KDM7A: variants seen among roughly 807,000 people sequenced by gnomAD.
KDM7A encodes lysine demethylase 7A.
In KDM7A, 28 loss-of-function variants were observed where a neutral mutation model predicts 114.8. The ratio of observed to expected loss-of-function variants is 0.24; its 90% CI spans 0.18 to 0.33. KDM7A has a LOEUF of 0.33. KDM7A is among the 10% of genes least tolerant of loss of function. The pLI is 1.00. For missense variants in KDM7A, 942 were observed against 1,142.5 expected (o/e 0.82, Z 2.53); for synonymous variants, 423 against 397.8 (o/e 1.06, Z -0.75).
rs774485099 is a variant in KDM7A at position 140,176,747 on chromosome 7, C to T, written c.191G>A (p.Gly64Asp). The T allele has an allele frequency of 7.4e-7, 1 of 1,357,266 alleles. No individual in the cohort carries two copies. The highest frequency in any genetic ancestry group is 9.7e-7 in the Non-Finnish European group (1 of 1,028,240). The allele number at this position is 1,357,266 out of a possible 1,614,324, so 84.1% of individuals were successfully genotyped here. Residue 64 changes from glycine (G) to aspartate (D), a missense_variant, in exon 1 of 20, where the codon GGC (glycine) becomes GAC (aspartate). By Grantham distance (94) the Gly-to-Asp change is moderately conservative. Coordinates refer to ENST00000397560, the MANE Select transcript of KDM7A (RefSeq NM_030647.2). This position sits in a 1 kb window ranked among gnomAD's most constrained non-coding sequence, Gnocchi z 4.4. ...GGGCTGGAGGGGGTTTATTTACCTG[C>T]CGTGGAACCAGTCCTTGCAGATATC... Reference protein sequence around the residue: ...ECDICKDWFHGSCVGVEEHHA... With the variant: ...ECDICKDWFHDSCVGVEEHHA...
At chr7:140,108,334 G>A (rs377430517) in intron 11 of KDM7A, among the ~76,000 whole-genome samples, 6 of 152,176 alleles carry the variant, frequency 3.9e-5, no homozygotes, top group Non-Finnish European at 7.3e-5. Flanking sequence ...GAGAAGCTGC[G>A]TTCCTCTGGA....
intron 2 of KDM7A, 55 bp from the exon 3 acceptor site, chr7:140,133,711 G>T: frequency 1.1e-6 from 1 of 926,098 alleles, no homozygotes; most frequent in Non-Finnish European, 1.7e-6. Context: ...GATACTATGT[G>T]ATTTCTAATC....
chr7:140,117,303 C>A (rs139565484), intron 9 of KDM7A, among the ~76,000 whole-genome samples: 3 of 152,276 alleles, frequency 2.0e-5, no homozygotes, highest in African/African-American at 7.2e-5. Flanking sequence ...AACACAAAGA[C>A]TAAATAGTTC....
chr7:140,131,100 C>G (rs1187085964), intron 3 of KDM7A, among the ~76,000 whole-genome samples: 1 of 152,066 alleles, frequency 6.6e-6, no homozygotes, highest in Non-Finnish European at 1.5e-5. Flanking sequence ...ATCTCCCGAG[C>G]TCATGATCCA....
Position 140,174,825 on chromosome 7 carries a change from C to G in KDM7A, c.194+1919G>C, listed in dbSNP as rs986120951. Among the ~76,000 whole-genome samples the G allele has an allele frequency of 2.0e-5, 3 of 152,036 alleles. No individual in the cohort carries two copies. In the East Asian group the frequency reaches 5.8e-4, roughly 29 times the overall value. On this transcript the variant is annotated intron_variant, in intron 1 of 19. Transcript: ENST00000397560. ...CATGTTGGGGTTTCACCATGTTAGC[C>G]AGGATGGTCTCGATCTCTTTACCTC...
chr7:140,099,532 T>C (rs915823483), intron 13 of KDM7A, among the ~76,000 whole-genome samples: 2 of 152,144 alleles, frequency 1.3e-5, no homozygotes, highest in African/African-American at 2.4e-5. Flanking sequence ...CCCTGGGCCA[T>C]AGACTGGTAC....
intron 16 of KDM7A, 25 bp downstream of exon 16, chr7:140,096,874 G>T: frequency 6.2e-7 from 1 of 1,608,406 alleles, no homozygotes; most frequent in South Asian, 1.1e-5. Context: ...AATATAATAA[G>T]ACTTACTACT....
intron 7 of KDM7A, among the ~76,000 whole-genome samples, chr7:140,121,364 G>A (rs13236548): frequency 0.34 from 52,371 of 151,960 alleles, 9,274 homozygotes; most frequent in Middle Eastern, 0.43. Context: ...CACAAATCCC[G>A]TTTTCTTTGT....
At chr7:140,098,193 C>T (rs1818146514) in intron 14 of KDM7A, among the ~76,000 whole-genome samples, 1 of 152,166 alleles carries the variant, frequency 6.6e-6, no homozygotes, top group Non-Finnish European at 1.5e-5. Context: ...CTCAGATTAG[C>T]AGGAACTGGG....
At chr7:140,142,586 C>G (rs148254892) in intron 1 of KDM7A, among the ~76,000 whole-genome samples, 2 of 151,996 alleles carry the variant, frequency 1.3e-5, no homozygotes, top group East Asian at 3.8e-4. Context: ...CCCAACAGAC[C>G]AGCTAAAACT....
Position 140,091,788 on chromosome 7 carries a change from C to T in KDM7A, c.2731+16G>A, listed in dbSNP as rs1416646105. The stretch of plus-strand genomic sequence containing the variant: ...CAGTCAGAAATATACTTTCTCTATA[C>T]ATGTGTGAAAGTTACCTTTTGTTGC... On this transcript the variant is annotated intron_variant, in intron 19 of 19. Coordinates refer to ENST00000397560, the MANE Select transcript of KDM7A (RefSeq NM_030647.2). The T allele has an allele frequency of 6.2e-7, 1 of 1,609,216 alleles. No individual in the cohort carries two copies. Among genetic ancestry groups the T allele is most frequent in the Non-Finnish European group, 8.5e-7 (1 of 1,177,758 alleles).
At position 140,096,986 on chromosome 7, in the gene KDM7A, G is replaced by A; in HGVS notation, c.2078C>T (p.Thr693Ile). 2 of 1,612,198 alleles carry A rather than the reference G, an allele frequency of 1.2e-6. No homozygotes were observed. The highest frequency in any genetic ancestry group is 1.7e-6 in the Non-Finnish European group (2 of 1,178,458). ...ATTAGATTCCTCCTTAAAGTTGGAT[G>A]TTATTTCTTGTTTCTTTTCATCACC... ...SSGDEKKQEI[T>I]SNFKEESNVM... Residue 693 changes from threonine (T) to isoleucine (I), a missense_variant, in exon 16 of 20, where the codon ACA becomes ATA. Coordinates refer to ENST00000397560, the MANE Select transcript of KDM7A (RefSeq NM_030647.2).
At chr7:140,097,717 A>G (rs750867327) in intron 14 of KDM7A, 75 bp from the exon 15 acceptor site, 96 of 800,502 alleles carry the variant, frequency 1.2e-4, no homozygotes, top group Non-Finnish European at 1.6e-4. Context: ...GATGGTATCT[A>G]AAGTCCACCC....
intron 19 of KDM7A, 53 bp downstream of exon 19, chr7:140,091,751 G>C: frequency 1.3e-6 from 2 of 1,582,974 alleles, no homozygotes; most frequent in Non-Finnish European, 1.7e-6. Flanking sequence ...CTGCCATGAT[G>C]ACCATCACAT....
At chr7:140,100,750 ATTTT>A (rs1363889968) in intron 12 of KDM7A, among the ~76,000 whole-genome samples, 3 of 100,472 alleles carry the variant, frequency 3.0e-5, no homozygotes, top group Admixed American at 1.1e-4. Context: ...ATACATATAT[ATTTT>A]TTTGTTTGTT....
At position 140,176,851 on chromosome 7, in the gene KDM7A, G is replaced by T; in HGVS notation, c.87C>A (p.Ala29=). The T allele has an allele frequency of 7.7e-7, 1 of 1,299,938 alleles. No individual in the cohort carries two copies. Among genetic ancestry groups the T allele is most frequent in the Non-Finnish European group, 9.9e-7 (1 of 1,008,260 alleles). The allele number at this position is 1,299,938 out of a possible 1,614,324, so 80.5% of individuals were successfully genotyped here. A position where few individuals can be genotyped will look rare whatever the true frequency, so the allele number is the denominator to read the frequency against. ...CGGGCGGGGGCGGCGGAGGCGCCGA[G>T]GCCCGGCCGGGAGCCGCCACCGACA... is the stretch of plus-strand genomic sequence containing the variant. ...AAVSVAAPGR[A]SAPPPPPPVY... is the part of the protein sequence containing the mutation. Residue 29 remains alanine (A), a synonymous_variant, in exon 1 of 20, where the codon GCC becomes GCA. Coordinates refer to ENST00000397560, the MANE Select transcript of KDM7A (RefSeq NM_030647.2). This position sits in a 1 kb window ranked among gnomAD's most constrained non-coding sequence, Gnocchi z 4.4.
chr7:140,090,812 C>A lies in KDM7A; in HGVS notation c.*282G>T. 2.6e-6 allele frequency: 1 copy of A among 380,866 alleles called. No homozygotes were observed. 23.6% of individuals were successfully genotyped at this position (380,866 alleles called of 1,614,324 possible). The stretch of plus-strand genomic sequence containing the variant: ...CACTGAAAATACATCAAGACACTAC[C>A]AACAACAAAATAAAATTCAAGCCCT... On this transcript the variant is annotated 3_prime_UTR_variant, in exon 20 of 20. Transcript: ENST00000397560.
chr7:140,139,159 C>G lies in KDM7A; in HGVS notation c.226G>C (p.Asp76His). The change falls in exon 2 of 20, where the codon GAC becomes CAC. Residue 76 changes from aspartate (D) to histidine (H), a missense_variant. Physicochemically the swap from Asp to His is moderately conservative, Grantham distance 81. Around this residue, in one of 4 missense-constraint regions of KDM7A, gnomAD observed 318 missense variants for 453.1 expected, o/e 0.70. Coordinates refer to ENST00000397560, the MANE Select transcript of KDM7A (RefSeq NM_030647.2). ...CVGVEEHHAVDIDLYHCPNCA... is the reference protein window; with the variant it reads ...CVGVEEHHAVHIDLYHCPNCA... ...TTGGGACAGTGATACAGGTCAATGT[C>G]AACAGCATGATGTTCTTCTACTCCA... The G allele has an allele frequency of 6.2e-7, 1 of 1,613,384 alleles. No homozygotes were observed. The highest frequency in any genetic ancestry group is 8.5e-7 in the Non-Finnish European group (1 of 1,179,598).
At chr7:140,121,863 T>G (rs1818622716) in intron 7 of KDM7A, among the ~76,000 whole-genome samples, 2 of 152,144 alleles carry the variant, frequency 1.3e-5, no homozygotes, top group South Asian at 4.1e-4. Context: ...TTTGGCACAA[T>G]TTCCTGAAAC....
Sources: allele counts gnomAD v4.1 joint callset (sites outside exome capture counted in the v4.1 genomes callset), GRCh38; gene constraint gnomAD v4.1.1; regional missense constraint gnomAD v4.1.1; non-coding constraint Gnocchi (gnomAD v3.1); transcripts MANE v1.5; gene names NCBI Gene and HGNC (gene_info 2026-07-23, HGNC 2026-07-21).